VWA8: variants seen among roughly 807,000 people sequenced by gnomAD.
The protein encoded by VWA8 is von Willebrand factor A domain-containing protein 8.
A neutral mutation model predicts 241.5 loss-of-function variants in VWA8; 221 were observed. That is an observed-to-expected ratio of 0.91 (90% CI 0.82 to 1.02). The LOEUF is 1.02. Ranked by LOEUF, VWA8 falls within the 50% of genes least tolerant of loss-of-function variation. The pLI is 0.00. For synonymous variants in VWA8, 852 were observed against 827.1 expected (o/e 1.03, Z -0.52); for missense variants, 2,322 against 2,328.7 (o/e 1.00, Z 0.06).
At chr13:41,637,314 C>CA (rs1357976329) in intron 37 of VWA8, among the ~76,000 whole-genome samples, 1 of 147,810 alleles carries the variant, frequency 6.8e-6, no homozygotes, top group Admixed American at 6.9e-5. Context: ...ATCGCAAGGA[C>CA]AAAAAACCAA....
chr13:41,851,435 A>C (rs1872528849), intron 12 of VWA8, among the ~76,000 whole-genome samples: 1 of 152,188 alleles, frequency 6.6e-6, no homozygotes, highest in Admixed American at 6.5e-5. Context: ...TGTGCCCTTC[A>C]AATCTCAACT....
At chr13:41,877,381 T>C (rs1873947686) in intron 9 of VWA8, among the ~76,000 whole-genome samples, 1 of 151,978 alleles carries the variant, frequency 6.6e-6, no homozygotes. Flanking sequence ...CCAGAGCTAG[T>C]CATCATGCTA....
intron 12 of VWA8, among the ~76,000 whole-genome samples, chr13:41,842,570 C>T (rs552694489): frequency 6.6e-6 from 1 of 152,286 alleles, no homozygotes; most frequent in African/African-American, 2.4e-5. Context: ...ACTATGAACA[C>T]AGAATAAATT....
rs565209167 is a variant in VWA8, at chr13:41,599,283, G to A, written c.4986+5885C>T. On this transcript the variant is annotated intron_variant, in intron 40 of 44. Coordinates refer to ENST00000379310, the MANE Select transcript of VWA8 (RefSeq NM_015058.2). ...TTTGAGTTTTGGTAGTGCAGTTTTA[G>A]TTTTCTTATCTTTCCTTATTGCATT... 2.0e-5 allele frequency among the ~76,000 whole-genome samples: 3 copies of A among 152,098 alleles called. No individual in the cohort carries two copies. In the East Asian group the frequency reaches 5.8e-4, roughly 29 times the overall value.
rs755546692 is a variant in VWA8, at chr13:41,783,919, G to T, written c.2171-18C>A. 16 of 1,597,238 alleles carry T rather than the reference G, an allele frequency of 1.0e-5. No homozygotes were observed. In the Admixed American group the frequency reaches 2.5e-4, roughly 25 times the overall value. On this transcript the variant is annotated intron_variant, in intron 18 of 44. Coordinates refer to ENST00000379310, the MANE Select transcript of VWA8 (RefSeq NM_015058.2). Reference sequence around the variant, plus strand: ...TACTTCACCTAAACATTTCACACAGGACGGATAATTATTCATAGCACTGTC... The same window carrying T: ...TACTTCACCTAAACATTTCACACAGTACGGATAATTATTCATAGCACTGTC...
At chr13:41,584,445 G>A (rs922603183) in intron 42 of VWA8, among the ~76,000 whole-genome samples, 1 of 152,032 alleles carries the variant, frequency 6.6e-6, no homozygotes, top group Non-Finnish European at 1.5e-5. Context: ...TGCCTTGCTG[G>A]GTCCACCTTG....
At chr13:41,623,293 A>G (rs2044669165) in intron 37 of VWA8, among the ~76,000 whole-genome samples, 1 of 152,224 alleles carries the variant, frequency 6.6e-6, no homozygotes, top group Non-Finnish European at 1.5e-5. Flanking sequence ...ATGGCAGATT[A>G]GAAGGCTGGA....
chr13:41,658,539 T>A (rs1201294249), intron 37 of VWA8, among the ~76,000 whole-genome samples: 1 of 152,216 alleles, frequency 6.6e-6, no homozygotes, highest in East Asian at 1.9e-4. Flanking sequence ...CTGAACCCTA[T>A]CTTCTCTCCA....
At chr13:41,625,939 G>A (rs1415274951) in intron 37 of VWA8, among the ~76,000 whole-genome samples, 1 of 151,516 alleles carries the variant, frequency 6.6e-6, no homozygotes, top group African/African-American at 2.4e-5. Flanking sequence ...GTAGGGACGT[G>A]GATGAAGCTG....
chr13:41,836,024 T>C (rs189512428), intron 12 of VWA8, among the ~76,000 whole-genome samples: 1 of 152,294 alleles, frequency 6.6e-6, no homozygotes, highest in East Asian at 1.9e-4. Flanking sequence ...TTCTGATTCA[T>C]CAGGGCCAAC....
intron 41 of VWA8, among the ~76,000 whole-genome samples, chr13:41,588,449 A>T (rs1219451144): frequency 6.6e-6 from 1 of 152,218 alleles, no homozygotes; most frequent in Non-Finnish European, 1.5e-5. Context: ...GGCTGCGTGC[A>T]GGGGCTCATG....
chr13:41,703,898 C>T (rs2045266511), intron 26 of VWA8, among the ~76,000 whole-genome samples: 1 of 151,854 alleles, frequency 6.6e-6, no homozygotes, highest in Non-Finnish European at 1.5e-5. Flanking sequence ...TTGTTTTAGC[C>T]TTCCTGAGTA....
intron 24 of VWA8, among the ~76,000 whole-genome samples, chr13:41,725,572 T>C (rs1291644481): frequency 6.6e-6 from 1 of 152,084 alleles, no homozygotes; most frequent in Non-Finnish European, 1.5e-5. Flanking sequence ...TTGGAGAGAA[T>C]GAAAGCGAGT....
At chr13:41,672,303 A>C (rs969633116) in intron 36 of VWA8, among the ~76,000 whole-genome samples, 1 of 152,150 alleles carries the variant, frequency 6.6e-6, no homozygotes, top group Non-Finnish European at 1.5e-5. Context: ...ATATGTGTGT[A>C]TATATATATG....
chr13:41,620,563 G>T (rs2044650378), intron 37 of VWA8, among the ~76,000 whole-genome samples: 1 of 151,962 alleles, frequency 6.6e-6, no homozygotes, highest in Admixed American at 6.6e-5. Context: ...TGTGTTTTTA[G>T]GGTGTTGATT....
At chr13:41,677,906 C>G (rs1233363442) in intron 35 of VWA8, among the ~76,000 whole-genome samples, 1 of 152,094 alleles carries the variant, frequency 6.6e-6, no homozygotes, top group East Asian at 1.9e-4. Context: ...AAACAAGAAA[C>G]TTGACATTTT....
intron 17 of VWA8, among the ~76,000 whole-genome samples, chr13:41,803,619 C>T (rs534741624): frequency 3.9e-5 from 6 of 152,172 alleles, no homozygotes; most frequent in East Asian, 3.9e-4. Context: ...GGGAAAGATC[C>T]GCCCCCGTGA....
chr13:41,860,846 C>G (rs1872971664), intron 12 of VWA8, among the ~76,000 whole-genome samples: 1 of 151,990 alleles, frequency 6.6e-6, no homozygotes, highest in Admixed American at 6.6e-5. Context: ...TTTCATAGCT[C>G]AAACATACAG....
chr13:41,797,034 C>CT (rs1488604196), intron 17 of VWA8, among the ~76,000 whole-genome samples: 2 of 151,576 alleles, frequency 1.3e-5, no homozygotes, highest in Non-Finnish European at 2.9e-5. Context: ...CGATTTTTTT[C>CT]TTTTTTTCTT....
Sources: allele counts gnomAD v4.1 joint callset (sites outside exome capture counted in the v4.1 genomes callset), GRCh38; gene constraint gnomAD v4.1.1; transcripts MANE v1.5; gene names NCBI Gene and HGNC (gene_info 2026-07-23, HGNC 2026-07-21).